Variants in VAT1L observed in about 807,000 individuals in gnomAD.
The protein encoded by VAT1L is vesicle amine transport 1 like.
A neutral mutation model predicts 44.1 loss-of-function variants in VAT1L; 34 were observed. The observed-to-expected ratio is 0.77, with a 90% CI of 0.59 to 1.03. VAT1L has a LOEUF of 1.03. Among genes scored for constraint, VAT1L ranks in the 50% least tolerant of loss-of-function variants. VAT1L has a pLI of 0.00. For missense variants in VAT1L, 615 were observed against 538.8 expected (o/e 1.14, Z -1.40); for synonymous variants, 253 against 202.2 (o/e 1.25, Z -2.13).
chr16:77,825,297 G>C lies in VAT1L; in HGVS notation c.415G>C (p.Val139Leu), dbSNP rs1244457611. ...FVNYNAWAEV[V>L]CTPVEFVYKI... The stretch of plus-strand genomic sequence containing the variant: ...CAATTACAATGCCTGGGCAGAGGTG[G>C]TCTGCACACCAGTGGAGTTTGTCTA... The change falls in exon 3 of 9, where the codon GTC becomes CTC. Residue 139 changes from valine (V) to leucine (L), a missense_variant. Physicochemically the swap from Val to Leu is conservative, Grantham distance 32. Transcript: ENST00000302536. The C allele has an allele frequency of 6.2e-7, 1 of 1,614,178 alleles. No homozygotes were observed. The highest frequency in any genetic ancestry group is 1.1e-5 in the South Asian group (1 of 91,076).
intron 7 of VAT1L, among the ~76,000 whole-genome samples, chr16:77,945,719 G>A (rs980467387): frequency 7.9e-5 from 12 of 151,966 alleles, no homozygotes; most frequent in African/African-American, 2.7e-4. Context: ...CCTTTTGTAT[G>A]AGTTGTCTTT....
intron 6 of VAT1L, among the ~76,000 whole-genome samples, chr16:77,881,335 G>A (rs867125898): frequency 4.6e-5 from 7 of 152,198 alleles, no homozygotes; most frequent in Admixed American, 3.3e-4. Context: ...CATAAGATAG[G>A]TGCACTTTGG....
intron 5 of VAT1L, among the ~76,000 whole-genome samples, chr16:77,877,935 A>G (rs11150022): frequency 0.3 from 45,223 of 152,096 alleles, 7,006 homozygotes; most frequent in East Asian, 0.47. Flanking sequence ...GAGTCCCTGC[A>G]CGTTGCAAGG....
chr16:77,938,009 A>G (rs1219987965), intron 7 of VAT1L, among the ~76,000 whole-genome samples: 1 of 152,232 alleles, frequency 6.6e-6, no homozygotes, highest in Non-Finnish European at 1.5e-5. Flanking sequence ...TGACTCTAAG[A>G]GCGTAAAGGG....
chr16:77,816,258 G>T (rs1330534439), intron 1 of VAT1L, among the ~76,000 whole-genome samples: 1 of 152,124 alleles, frequency 6.6e-6, no homozygotes, highest in African/African-American at 2.4e-5. Flanking sequence ...AAATAACTTA[G>T]ATTTTTGAAA....
chr16:77,815,578 T>G (rs1004595035), intron 1 of VAT1L, among the ~76,000 whole-genome samples: 5 of 152,198 alleles, frequency 3.3e-5, no homozygotes, highest in African/African-American at 1.2e-4. Context: ...TCCCTGTGTA[T>G]GAGACTCATA....
In VAT1L at chr16:77,979,107, G is replaced by C. The variant is rs968313734; in HGVS notation, c.*1412G>C. The C allele has an allele frequency of 6.6e-6, 1 of 152,606 alleles. No individual in the cohort carries two copies. Among genetic ancestry groups the C allele is most frequent in the Non-Finnish European group, 1.5e-5 (1 of 68,052 alleles). 9.5% of individuals were successfully genotyped at this position (152,606 alleles called of 1,614,324 possible). A position where few individuals can be genotyped will look rare whatever the true frequency, so the allele number is the denominator to read the frequency against. ...GACCCAACCCTTTCCGCAAGTGGTA[G>C]GAACGAATGCATCTTAGCAATTACC... On this transcript the variant is annotated 3_prime_UTR_variant, in exon 9 of 9. Transcript: ENST00000302536.
chr16:77,851,573 AGACCAAGAGTT>A (rs1372364828), intron 3 of VAT1L, among the ~76,000 whole-genome samples: 3 of 152,102 alleles, frequency 2.0e-5, no homozygotes, highest in African/African-American at 7.2e-5. Flanking sequence ...GGATCGCTTG[AGACCAAGAGTT>A]TGAGTTTACT....
intron 5 of VAT1L, among the ~76,000 whole-genome samples, 177 bp downstream of exon 5, chr16:77,876,650 T>C (rs764920177): frequency 6.6e-6 from 1 of 152,206 alleles, no homozygotes; most frequent in Non-Finnish European, 1.5e-5. Context: ...AATTTTAAAA[T>C]AACATGTGCC....
At chr16:77,914,340 T>A (rs2017529401) in intron 7 of VAT1L, among the ~76,000 whole-genome samples, 1 of 152,238 alleles carries the variant, frequency 6.6e-6, no homozygotes, top group Admixed American at 6.5e-5. Context: ...ATTGTACCTG[T>A]ATGGTGGAGT....
At chr16:77,802,164 C>G (rs142774971) in intron 1 of VAT1L, among the ~76,000 whole-genome samples, 390 of 152,316 alleles carry the variant, frequency 2.6e-3, no homozygotes, top group African/African-American at 9.0e-3. Context: ...GTGGGAGACT[C>G]CACAACTTCC....
intron 1 of VAT1L, among the ~76,000 whole-genome samples, chr16:77,798,859 G>A (rs1233771033): frequency 3.3e-5 from 5 of 152,154 alleles, no homozygotes; most frequent in East Asian, 3.9e-4. Flanking sequence ...TTCAGAGGGC[G>A]GGAAGGCCAC....
Position 77,837,995 on chromosome 16 carries a change from G to A in VAT1L, c.579+12534G>A, listed in dbSNP as rs74910767. Among the ~76,000 whole-genome samples, 1,085 of 152,312 alleles carry A rather than the reference G, an allele frequency of 7.1e-3. 21 individuals carry two copies. Among genetic ancestry groups the A allele is most frequent in the African/African-American group, 0.025 (1,043 of 41,566 alleles). ...GTTGAAACCTAGAGCGAGGGGCAAAGAAAGCCGATCTCATCTCCCTTGGTC... is the reference window on the plus strand; with the variant it reads ...GTTGAAACCTAGAGCGAGGGGCAAAAAAAGCCGATCTCATCTCCCTTGGTC... On this transcript the variant is annotated intron_variant, in intron 3 of 8. Coordinates refer to ENST00000302536, the MANE Select transcript of VAT1L (RefSeq NM_020927.3).
chr16:77,951,606 A>C (rs1005984332), intron 7 of VAT1L, among the ~76,000 whole-genome samples: 4 of 152,148 alleles, frequency 2.6e-5, no homozygotes, highest in African/African-American at 9.7e-5. Flanking sequence ...TTTAATTAGC[A>C]AAACAAAACT....
rs1567496071 is a variant in VAT1L, at chr16:77,879,335, G to C, written c.882+111G>C. 1 of 1,197,728 alleles carries C rather than the reference G, an allele frequency of 8.3e-7. No homozygotes were observed. The highest frequency in any genetic ancestry group is 1.2e-6 in the Non-Finnish European group (1 of 811,364). 74.2% of individuals were successfully genotyped at this position (1,197,728 alleles called of 1,614,324 possible). ...GAGACAGCGTCTCGTTCTGTCACCA[G>C]GCTGGAGTGCAATGGCACGATCTCG... On this transcript the variant is annotated intron_variant, in intron 6 of 8. Transcript: ENST00000302536. The surrounding 1 kb of genome is among the most constrained non-coding windows in gnomAD (Gnocchi z 4.1).
chr16:77,939,360 A>C (rs1394468761), intron 7 of VAT1L, among the ~76,000 whole-genome samples: 2 of 152,112 alleles, frequency 1.3e-5, no homozygotes, highest in Non-Finnish European at 2.9e-5. Flanking sequence ...GTGGTGTTAT[A>C]TCATAGCTCA....
intron 3 of VAT1L, among the ~76,000 whole-genome samples, chr16:77,847,026 G>A (rs1171546769): frequency 6.6e-6 from 1 of 152,146 alleles, no homozygotes; most frequent in African/African-American, 2.4e-5. Flanking sequence ...GCATAAATGT[G>A]TTGCTTTCAT....
intron 3 of VAT1L, among the ~76,000 whole-genome samples, chr16:77,852,664 A>G (rs1387913204): frequency 6.6e-6 from 1 of 152,202 alleles, no homozygotes; most frequent in East Asian, 1.9e-4. Flanking sequence ...AGATGTGTGT[A>G]AAGTACCCAG....
At chr16:77,816,049 T>C (rs370256562) in intron 1 of VAT1L, among the ~76,000 whole-genome samples, 78 of 145,892 alleles carry the variant, frequency 5.3e-4, no homozygotes, top group African/African-American at 1.8e-3. Flanking sequence ...TGTTTCCCCA[T>C]GTGATTAGCA....
Sources: gnomAD v4.1 joint callset for allele counts (sites outside exome capture counted in the v4.1 genomes callset) on GRCh38, gnomAD v4.1.1 for gene constraint, Gnocchi (gnomAD v3.1) non-coding constraint, MANE v1.5 for transcripts, NCBI Gene and HGNC (gene_info 2026-07-23, HGNC 2026-07-21) for gene names.